INPP4B: variants seen among roughly 807,000 people sequenced by gnomAD.
INPP4B encodes the protein inositol polyphosphate 4-phosphatase type II.
In INPP4B, 55 loss-of-function variants were observed where a neutral mutation model predicts 122.5. The ratio of observed to expected loss-of-function variants is 0.45; its 90% CI spans 0.36 to 0.56. The LOEUF (loss-of-function observed/expected upper bound fraction) is 0.56, where lower values mean the gene tolerates loss of function less well. Among genes scored for constraint, INPP4B ranks in the 20% least tolerant of loss-of-function variants. INPP4B has a pLI of 0.00. For missense variants in INPP4B, 1,000 were observed against 1,097.7 expected, an observed-to-expected ratio of 0.91 and a Z score of 1.26; for synonymous variants, 403 against 388.7, an observed-to-expected ratio of 1.04 and a Z score of -0.43.
intron 2 of INPP4B, among the ~76,000 whole-genome samples, chr4:142,643,636 G>T (rs1751047878): frequency 6.6e-6 from 1 of 152,060 alleles, no homozygotes; most frequent in African/African-American, 2.4e-5. Flanking sequence ...ACAGCTCCTT[G>T]TTCAGTGTTC....
At chr4:142,365,504 A>G (rs1787119300) in intron 7 of INPP4B, among the ~76,000 whole-genome samples, 1 of 152,168 alleles carries the variant, frequency 6.6e-6, no homozygotes, top group Non-Finnish European at 1.5e-5. Flanking sequence ...AAGCTTTTAG[A>G]TTCCTTCTTT....
intron 2 of INPP4B, among the ~76,000 whole-genome samples, chr4:142,541,250 T>A (rs576837980): frequency 6.6e-6 from 1 of 152,216 alleles, no homozygotes; most frequent in Non-Finnish European, 1.5e-5. Context: ...ATTACTCTTT[T>A]ATGAATAAAG....
chr4:142,767,255 G>T (rs1772296333), intron 1 of INPP4B, among the ~76,000 whole-genome samples: 1 of 152,128 alleles, frequency 6.6e-6, no homozygotes, highest in Non-Finnish European at 1.5e-5. Context: ...CTTAAAAGTG[G>T]GAATTCATTT....
chr4:142,696,911 G>A (rs1761106726), intron 2 of INPP4B, among the ~76,000 whole-genome samples: 1 of 152,206 alleles, frequency 6.6e-6, no homozygotes, highest in South Asian at 2.1e-4. Context: ...TAGCAAGGAA[G>A]TAGATAAAAC....
At chr4:142,166,419 C>T (rs1822754758) in intron 16 of INPP4B, among the ~76,000 whole-genome samples, 1 of 151,744 alleles carries the variant, frequency 6.6e-6, no homozygotes, top group Admixed American at 6.6e-5. Flanking sequence ...AAATGTAAAA[C>T]CCAAAACTAT....
chr4:142,400,831 A>G (rs895572233), intron 7 of INPP4B, among the ~76,000 whole-genome samples: 14 of 152,214 alleles, frequency 9.2e-5, no homozygotes, highest in African/African-American at 3.4e-4. Flanking sequence ...AAAAAGCATA[A>G]TTAATGAGTA....
At chr4:142,316,476 T>A (rs922972053) in intron 7 of INPP4B, among the ~76,000 whole-genome samples, 1 of 152,212 alleles carries the variant, frequency 6.6e-6, no homozygotes, top group Non-Finnish European at 1.5e-5. Context: ...TCTGTATGTA[T>A]ATGTATAGTT....
chr4:142,770,663 C>T (rs1772901876), intron 1 of INPP4B, among the ~76,000 whole-genome samples: 1 of 151,966 alleles, frequency 6.6e-6, no homozygotes, highest in Non-Finnish European at 1.5e-5. Context: ...TTTCCTATAC[C>T]AAACAAGCAA....
intron 2 of INPP4B, among the ~76,000 whole-genome samples, chr4:142,636,597 T>C (rs1394047217): frequency 2.0e-5 from 3 of 152,064 alleles, no homozygotes; most frequent in African/African-American, 7.2e-5. Flanking sequence ...AGTGGACTTA[T>C]AAAATATTCC....
intron 6 of INPP4B, among the ~76,000 whole-genome samples, chr4:142,404,506 C>T (rs913431020): frequency 1.3e-5 from 2 of 152,196 alleles, no homozygotes; most frequent in African/African-American, 2.4e-5. Flanking sequence ...AAGGGAAACA[C>T]TTCCTCTTTT....
chr4:142,613,086 C>G (rs1332719592), intron 2 of INPP4B, among the ~76,000 whole-genome samples: 1 of 152,096 alleles, frequency 6.6e-6, no homozygotes, highest in Non-Finnish European at 1.5e-5. Flanking sequence ...CCGGCTGCTG[C>G]TTTGTACCAC....
At chr4:142,104,229 C>G (rs1041518906) in intron 23 of INPP4B, among the ~76,000 whole-genome samples, 4 of 152,122 alleles carry the variant, frequency 2.6e-5, no homozygotes, top group African/African-American at 9.7e-5. Flanking sequence ...GGGCTTTATC[C>G]ACTTCCTTCA....
chr4:142,259,267 G>A (rs1167049853), intron 11 of INPP4B, among the ~76,000 whole-genome samples: 2 of 151,610 alleles, frequency 1.3e-5, no homozygotes, highest in Non-Finnish European at 2.9e-5. Context: ...TGACGACTTA[G>A]TGGGTGCAGT....
chr4:142,442,387 G>A (rs1291909896), intron 3 of INPP4B, among the ~76,000 whole-genome samples: 3 of 120,840 alleles, frequency 2.5e-5, no homozygotes, highest in Non-Finnish European at 3.3e-5. Context: ...ACTCCAGCCT[G>A]GGCAACAGAG....
At chr4:142,351,622 C>A (rs78884385) in intron 7 of INPP4B, among the ~76,000 whole-genome samples, 2 of 151,950 alleles carry the variant, frequency 1.3e-5, no homozygotes, top group Non-Finnish European at 2.9e-5. Flanking sequence ...GAAACTACTT[C>A]CTTTTGGACA....
intron 5 of INPP4B, among the ~76,000 whole-genome samples, chr4:142,428,357 C>T (rs1283586734): frequency 6.7e-6 from 1 of 149,368 alleles, no homozygotes; most frequent in Non-Finnish European, 1.5e-5. Context: ...TGAATATGTG[C>T]ATGTATTAGT....
intron 7 of INPP4B, among the ~76,000 whole-genome samples, chr4:142,394,391 C>T (rs1191761397): frequency 7.2e-5 from 11 of 152,106 alleles, no homozygotes; most frequent in African/African-American, 2.7e-4. Context: ...GTGATCTGCC[C>T]GCCTCAGCCT....
At chr4:142,084,110 G>T (rs1386555675) in intron 24 of INPP4B, among the ~76,000 whole-genome samples, 1 of 151,990 alleles carries the variant, frequency 6.6e-6, no homozygotes, top group African/African-American at 2.4e-5. Context: ...AAAAACAAAT[G>T]ACTTTATTTT....
At chr4:142,219,053 C>T (rs1270410857) in intron 12 of INPP4B, among the ~76,000 whole-genome samples, 1 of 152,108 alleles carries the variant, frequency 6.6e-6, no homozygotes, top group Non-Finnish European at 1.5e-5. Flanking sequence ...TTTTAAAATA[C>T]ATTCTTATAA....
Sources: allele counts gnomAD v4.1 joint callset (sites outside exome capture counted in the v4.1 genomes callset), GRCh38; gene constraint gnomAD v4.1.1; transcripts MANE v1.5; gene names NCBI Gene and HGNC (gene_info 2026-07-23, HGNC 2026-07-21).